Variants in PHF21A observed in about 807,000 individuals in gnomAD.
PHF21A encodes BHC80a.
In PHF21A, 11 loss-of-function variants were observed where a neutral mutation model predicts 82.5. The ratio of observed to expected loss-of-function variants is 0.13; its 90% CI spans 0.08 to 0.22. The LOEUF (loss-of-function observed/expected upper bound fraction) is 0.22. PHF21A is among the 10% of genes least tolerant of loss of function. The probability of loss-of-function intolerance (pLI) is 1.00; values close to 1 mark genes in which losing one functional copy is unlikely to be tolerated. For missense variants in PHF21A, 579 were observed against 837.8 expected (o/e 0.69, Z 3.81); for synonymous variants, 297 against 302.8 (o/e 0.98, Z 0.20).
intron 1 of PHF21A, among the ~76,000 whole-genome samples, chr11:46,104,563 CTA>C (rs1355078213): frequency 6.6e-6 from 1 of 152,164 alleles, no homozygotes; most frequent in East Asian, 1.9e-4. Flanking sequence ...CTTTTATCAT[CTA>C]TACTCTTTCT....
chr11:46,043,623 A>C (rs917344584), intron 6 of PHF21A, among the ~76,000 whole-genome samples: 1 of 107,604 alleles, frequency 9.3e-6, no homozygotes, highest in African/African-American at 2.5e-5. Context: ...AAAGTGCCAA[A>C]AGGGCCATTA....
intron 6 of PHF21A, among the ~76,000 whole-genome samples, chr11:46,007,214 T>A (rs1265669187): frequency 2.0e-5 from 3 of 152,150 alleles, no homozygotes; most frequent in Admixed American, 2.0e-4. Context: ...TTCTAAGAGA[T>A]GAGAAAAGGG....
chr11:46,013,180 A>G (rs1453618050), intron 6 of PHF21A, among the ~76,000 whole-genome samples: 1 of 152,230 alleles, frequency 6.6e-6, no homozygotes, highest in African/African-American at 2.4e-5. Flanking sequence ...ACACCTCATA[A>G]TAACACAATA....
chr11:46,118,778 T>C (rs1033738530), intron 1 of PHF21A: 6 of 152,104 alleles, frequency 3.9e-5, no homozygotes, highest in African/African-American at 1.4e-4. Context: ...CCAGTAAAAA[T>C]GTAGTAACAG....
chr11:45,949,355 A>T (rs1053517575), intron 13 of PHF21A, 47 bp downstream of exon 13: 4 of 1,504,260 alleles, frequency 2.7e-6, no homozygotes, highest in Non-Finnish European at 3.7e-6. Flanking sequence ...ACAGCTCATA[A>T]ATAAAACTGG....
At chr11:46,043,538 G>A (rs945174974) in intron 6 of PHF21A, among the ~76,000 whole-genome samples, 2 of 151,982 alleles carry the variant, frequency 1.3e-5, no homozygotes, top group Non-Finnish European at 2.9e-5. Context: ...GCCTAGTGAA[G>A]CTTTGGCCCC....
In PHF21A at chr11:45,965,380, T is replaced by A; in HGVS notation, c.931A>T (p.Thr311Ser). Residue 311 changes from threonine to serine, a missense_variant, in exon 10 of 19, where the codon ACT (threonine) becomes TCT (serine). Thr to Ser is a moderately conservative substitution (Grantham distance 58, BLOSUM62 1). Transcript: ENST00000676320. ...GGTCCAGCGAGTCTGGTCCCTGGAG[T>A]AGCTATCACAATGCTGGTGAGCTGG... ...MAQLTSIVIA[T>S]PGTRLAGPQT... The A allele has an allele frequency of 6.2e-7, 1 of 1,614,038 alleles. No homozygotes were observed. Among genetic ancestry groups the A allele is most frequent in the Non-Finnish European group, 8.5e-7 (1 of 1,180,002 alleles).
intron 6 of PHF21A, among the ~76,000 whole-genome samples, chr11:46,029,001 A>G (rs2095810727): frequency 6.6e-6 from 1 of 152,232 alleles, no homozygotes; most frequent in Non-Finnish European, 1.5e-5. Context: ...TGGATCTACA[A>G]ATTGTACCAC....
intron 11 of PHF21A, among the ~76,000 whole-genome samples, chr11:45,952,924 A>G (rs920798788): frequency 7.2e-5 from 11 of 152,264 alleles, no homozygotes; most frequent in Non-Finnish European, 1.5e-4. Flanking sequence ...ACAGATTCAC[A>G]TTCTACATTT....
intron 6 of PHF21A, among the ~76,000 whole-genome samples, chr11:46,072,950 A>G (rs1305304302): frequency 1.3e-5 from 2 of 152,228 alleles, no homozygotes; most frequent in Non-Finnish European, 2.9e-5. Flanking sequence ...CCATATCAGA[A>G]TATCTCCATA....
intron 6 of PHF21A, among the ~76,000 whole-genome samples, chr11:45,989,975 G>C (rs2094626948): frequency 6.6e-6 from 1 of 152,086 alleles, no homozygotes; most frequent in Non-Finnish European, 1.5e-5. Context: ...CTGGGCAACA[G>C]AGTGAGACCC....
intron 6 of PHF21A, among the ~76,000 whole-genome samples, chr11:46,069,602 T>C (rs1481727097): frequency 1.3e-5 from 2 of 152,240 alleles, no homozygotes; most frequent in East Asian, 3.8e-4. Context: ...GGCAATGTAA[T>C]TATTTTGCCT....
intron 3 of PHF21A, among the ~76,000 whole-genome samples, chr11:46,087,044 G>A (rs574244461): frequency 1.3e-5 from 2 of 152,258 alleles, no homozygotes; most frequent in East Asian, 3.9e-4. Flanking sequence ...AATACTCTGA[G>A]CTGTCTAGAA....
chr11:45,959,574 C>A (rs1348647102), intron 10 of PHF21A, among the ~76,000 whole-genome samples: 1 of 152,030 alleles, frequency 6.6e-6, no homozygotes, highest in African/African-American at 2.4e-5. Context: ...AGAAAAGGCA[C>A]CCAAATTGGA....
At chr11:45,991,616 ATAAG>A (rs1321084258) in intron 6 of PHF21A, among the ~76,000 whole-genome samples, 1 of 152,150 alleles carries the variant, frequency 6.6e-6, no homozygotes, top group African/African-American at 2.4e-5. Flanking sequence ...TTTAGAAAAA[ATAAG>A]TAGAGAGGCA....
chr11:46,020,981 T>G (rs78324587), intron 6 of PHF21A, among the ~76,000 whole-genome samples: 3,275 of 152,148 alleles, frequency 0.022, 115 homozygotes, highest in African/African-American at 0.075. Context: ...AGTTTCAATG[T>G]ATGATGGGTT....
intron 6 of PHF21A, among the ~76,000 whole-genome samples, chr11:45,996,320 T>C (rs968925098): frequency 6.6e-6 from 1 of 152,216 alleles, no homozygotes; most frequent in Admixed American, 6.5e-5. Context: ...TGACACATTA[T>C]AGAGTGATCT....
intron 6 of PHF21A, among the ~76,000 whole-genome samples, chr11:46,018,959 A>G (rs2095574464): frequency 6.6e-6 from 1 of 152,250 alleles, no homozygotes; most frequent in South Asian, 2.1e-4. Context: ...GTAAGCAGCA[A>G]GAACACACAC....
At chr11:46,097,638 TC>T (rs2097019838) in intron 1 of PHF21A, among the ~76,000 whole-genome samples, 1 of 152,146 alleles carries the variant, frequency 6.6e-6, no homozygotes, top group African/African-American at 2.4e-5. Flanking sequence ...ACTATCCAAA[TC>T]TCACCCACAC....
Sources: allele counts gnomAD v4.1 joint callset (sites outside exome capture counted in the v4.1 genomes callset), GRCh38; gene constraint gnomAD v4.1.1; transcripts MANE v1.5; gene names NCBI Gene and HGNC (gene_info 2026-07-23, HGNC 2026-07-21).